PLCH2: variants seen among roughly 807,000 people sequenced by gnomAD.
PLCH2 encodes 1-phosphatidylinositol 4,5-bisphosphate phosphodiesterase eta-2.
Under a neutral mutation model 134.7 loss-of-function variants are expected in PLCH2, and 98 were observed. That is an observed-to-expected ratio of 0.73 (90% CI 0.62 to 0.86). The LOEUF (loss-of-function observed/expected upper bound fraction) is 0.86. Among genes scored for constraint, PLCH2 ranks in the 40% least tolerant of loss-of-function variants. The pLI is 0.00. For synonymous variants in PLCH2, 974 were observed against 827.5 expected (o/e 1.18, Z -3.04); for missense variants, 1,994 against 1,986.6 (o/e 1.00, Z -0.07).
At chr1:2,429,395 C>G (rs1638958349) in intron 1 of PLCH2, among the ~76,000 whole-genome samples, 2 of 152,140 alleles carry the variant, frequency 1.3e-5, no homozygotes, top group Non-Finnish European at 2.9e-5. Context: ...GGAGGGCACT[C>G]ACCTCCCTGA....
At chr1:2,481,433 CAG>C (rs1641964146) in intron 4 of PLCH2, among the ~76,000 whole-genome samples, 1 of 152,256 alleles carries the variant, frequency 6.6e-6, no homozygotes, top group African/African-American at 2.4e-5. Context: ...ATTTTGGGCT[CAG>C]GGGCAGCTCT....
chr1:2,479,700 G>A, intron 2 of PLCH2, 34 bp from the exon 3 acceptor site: 1 of 1,515,764 alleles, frequency 6.6e-7, no homozygotes, highest in South Asian at 1.2e-5. Flanking sequence ...TGGGCCCCCG[G>A]GGACCTGACC....
At position 2,444,641 on chromosome 1, in the gene PLCH2, T is replaced by C. The variant is rs1639854844; in HGVS notation, c.115+14012T>C. 6.6e-6 allele frequency among the ~76,000 whole-genome samples: 1 copy of C among 152,060 alleles called. No individual in the cohort carries two copies. Among genetic ancestry groups the C allele is most frequent in the South Asian group, 2.1e-4 (1 of 4,826 alleles). Reference sequence around the variant, plus strand: ...CTCTGCTGGAGCTGGTGGAGGAAGATGCCAAGGAGATAAGAGGCTTCCCCT... The same window carrying C: ...CTCTGCTGGAGCTGGTGGAGGAAGACGCCAAGGAGATAAGAGGCTTCCCCT... On this transcript the variant is annotated intron_variant, in intron 2 of 3. Coordinates refer to the PLCH2 transcript ENST00000609981. The surrounding 1 kb of genome is among the most constrained non-coding windows in gnomAD (Gnocchi z 4.6).
At chr1:2,446,776 G>C (rs1251721507) in intron 2 of PLCH2, among the ~76,000 whole-genome samples, 2 of 152,136 alleles carry the variant, frequency 1.3e-5, no homozygotes, top group Non-Finnish European at 2.9e-5. Context: ...CAGAGGGGTC[G>C]GGGCCTGCAG....
intron 2 of PLCH2, among the ~76,000 whole-genome samples, chr1:2,453,812 T>A (rs570073686): frequency 6.6e-6 from 1 of 152,176 alleles, no homozygotes; most frequent in Non-Finnish European, 1.5e-5. Context: ...CCTGTCCCCG[T>A]CTCCCGGTGG....
chr1:2,418,613 C>T, the PLCH2 span, among the ~76,000 whole-genome samples: 6 of 152,216 alleles, frequency 3.9e-5, no homozygotes, highest in African/African-American at 1.4e-4. Flanking sequence ...ACAATAAGGG[C>T]TCCCCACGAG....
At chr1:2,449,488 CTG>C (rs578039353) in intron 2 of PLCH2, among the ~76,000 whole-genome samples, 68 of 144,652 alleles carry the variant, frequency 4.7e-4, no homozygotes, top group Non-Finnish European at 8.7e-4. Context: ...TAGTGAGACT[CTG>C]TCTCAACAAA....
In PLCH2 at chr1:2,487,011, C is replaced by T. The variant is rs547401366; in HGVS notation, c.910+11C>T. Reference sequence around the variant, plus strand: ...TGCTGGGCATTGATGGTGAGTGGGGCGCTGCCCTCAGCCCAGCTGTCCTGG... The same window carrying T: ...TGCTGGGCATTGATGGTGAGTGGGGTGCTGCCCTCAGCCCAGCTGTCCTGG... On this transcript the variant is annotated intron_variant, in intron 6 of 21. Coordinates refer to ENST00000378486, the MANE Select transcript of PLCH2 (RefSeq NM_014638.4). The T allele has an allele frequency of 2.1e-5, 34 of 1,582,374 alleles. No individual in the cohort carries two copies. The highest frequency in any genetic ancestry group is 1.2e-4 in the African/African-American group (9 of 74,232).
At position 2,444,405 on chromosome 1, in the gene PLCH2, T is replaced by G. The variant is rs6687012; in HGVS notation, c.115+13776T>G. On this transcript the variant is annotated intron_variant, in intron 2 of 3. Coordinates refer to the PLCH2 transcript ENST00000609981. This position sits in a 1 kb window ranked among gnomAD's most constrained non-coding sequence, Gnocchi z 4.6. The stretch of plus-strand genomic sequence containing the variant: ...GCACATCTGCCTGGGCTGCAGGTGC[T>G]CATCTGGGGGGAGCCGGCCTCTCCC... Among the ~76,000 whole-genome samples the G allele has an allele frequency of 0.59, 89,173 of 152,040 alleles. 27,222 individuals carry two copies. The highest frequency in any genetic ancestry group is 0.87 in the East Asian group (4,480 of 5,128).
rs539089860 is a variant in PLCH2 at position 2,426,339 on chromosome 1, G to C, written c.-178+302G>C. Among the ~76,000 whole-genome samples the C allele has an allele frequency of 4.6e-5, 7 of 152,352 alleles. No individual in the cohort carries two copies. The South Asian group carries it at 1.4e-3, about 32-fold the overall frequency. On this transcript the variant is annotated intron_variant, in intron 1 of 3. Coordinates refer to the PLCH2 transcript ENST00000609981. Reference sequence around the variant, plus strand: ...CGTGTTTGGCCAAGCACCCCGTTCTGATCTTTACTTTCTCCACCTGGCACT... The same window carrying C: ...CGTGTTTGGCCAAGCACCCCGTTCTCATCTTTACTTTCTCCACCTGGCACT...
intron 2 of PLCH2, among the ~76,000 whole-genome samples, chr1:2,456,825 A>G (rs1164114154): frequency 1.3e-5 from 2 of 151,940 alleles, no homozygotes; most frequent in African/African-American, 4.8e-5. Flanking sequence ...TGCCCCTTCT[A>G]GGGCCAGCGG....
In PLCH2 at chr1:2,487,617, C is replaced by A. The variant is rs377587262; in HGVS notation, c.1134C>A (p.Pro378=). ...RCVEVDCWDG[P]DGEPIVHHGY... ...CTGCAGTGGACTGCTGGGATGGGCC[C>A]GACGGGGAGCCCATTGTGCACCATG... Residue 378 remains proline (P), a synonymous_variant, in exon 8 of 22, where the codon CCC becomes CCA. Transcript: ENST00000378486. 1.9e-6 allele frequency: 3 copies of A among 1,613,026 alleles called. No homozygotes were observed. Among genetic ancestry groups the A allele is most frequent in the African/African-American group, 1.3e-5 (1 of 75,046 alleles).
Position 2,444,687 on chromosome 1 carries a change from C to T in PLCH2, c.115+14058C>T, listed in dbSNP as rs1639858030. Among the ~76,000 whole-genome samples, 1 of 152,172 alleles carries T rather than the reference C, an allele frequency of 6.6e-6. No individual in the cohort carries two copies. The highest frequency in any genetic ancestry group is 2.4e-5 in the African/African-American group (1 of 41,434). The stretch of plus-strand genomic sequence containing the variant: ...CCCCTCCCCTCCGCTCCCCGCCTCC[C>T]ACACTGTCTGGTGACACTGGAGGCA... On this transcript the variant is annotated intron_variant, in intron 2 of 3. Coordinates refer to the PLCH2 transcript ENST00000609981. This position sits in a 1 kb window ranked among gnomAD's most constrained non-coding sequence, Gnocchi z 4.6.
chr1:2,504,030 C>T lies in PLCH2; in HGVS notation c.3068C>T (p.Pro1023Leu). The T allele has an allele frequency of 6.5e-7, 1 of 1,541,370 alleles. No individual in the cohort carries two copies. Among genetic ancestry groups the T allele is most frequent in the Non-Finnish European group, 8.8e-7 (1 of 1,139,618 alleles). The change falls in exon 22 of 22, where the codon CCC becomes CTC. Residue 1023 changes from proline to leucine, a missense_variant. Around this residue, in one of 2 missense-constraint regions of PLCH2, gnomAD observed 900 missense variants for 752.3 expected, o/e 1.20. Transcript: ENST00000378486. Reference protein sequence around the residue: ...GPGPPPPAAVPTSSSQGRPPY... With the variant: ...GPGPPPPAAVLTSSSQGRPPY... ...GGTCCCCCGCCACCAGCGGCTGTCC[C>T]CACCAGCTCTTCTCAGGGACGGCCC...
At chr1:2,458,682 TG>T (rs35697743) in intron 2 of PLCH2, among the ~76,000 whole-genome samples, 22,949 of 152,054 alleles carry the variant, frequency 0.15, 1,872 homozygotes, top group East Asian at 0.28. Flanking sequence ...GCTCTGGCTC[TG>T]CCCTCAGGGA....
chr1:2,478,986 T>A, intron 2 of PLCH2: 1 of 256,680 alleles, frequency 3.9e-6, no homozygotes, highest in Non-Finnish European at 7.5e-6. Flanking sequence ...TGGGTATGGG[T>A]GCAAACAGTG....
intron 12 of PLCH2, 43 bp downstream of exon 12, chr1:2,494,991 TGTCCTCCCTGCTCCC>T: frequency 7.7e-7 from 1 of 1,294,770 alleles, no homozygotes; most frequent in African/African-American, 1.9e-5. Context: ...CTGGGCCCAG[TGTCCTCCCTGCTCCC>T]AGTGCCCCGT....
At chr1:2,486,792 G>GGTCA in intron 5 of PLCH2, 115 bp from the exon 6 acceptor site, 1 of 798,370 alleles carries the variant, frequency 1.3e-6, no homozygotes, top group South Asian at 1.5e-5. Flanking sequence ...GGCTGGCCAT[G>GGTCA]GTCATCCCTG....
chr1:2,452,175 G>A (rs1225056278), intron 2 of PLCH2, among the ~76,000 whole-genome samples: 2 of 152,202 alleles, frequency 1.3e-5, no homozygotes, highest in Non-Finnish European at 2.9e-5. Flanking sequence ...GCAGCCAGGT[G>A]TGCAGAAGGA....
Sources: allele counts gnomAD v4.1 joint callset (sites outside exome capture counted in the v4.1 genomes callset), GRCh38; gene constraint gnomAD v4.1.1; regional missense constraint gnomAD v4.1.1; non-coding constraint Gnocchi (gnomAD v3.1); transcripts MANE v1.5; gene names NCBI Gene and HGNC (gene_info 2026-07-23, HGNC 2026-07-21).